The following GRM1 variants were observed in gnomAD, a reference collection of about 807,000 sequenced individuals.
GRM1 encodes glutamate metabotropic receptor 1.
Under a neutral mutation model 90.9 loss-of-function variants are expected in GRM1, and 33 were observed. The ratio of observed to expected loss-of-function variants is 0.36; its 90% confidence interval spans 0.28 to 0.49. The LOEUF is 0.49. Among genes scored for constraint, GRM1 ranks in the 20% least tolerant of loss-of-function variants. GRM1 has a pLI of 0.99. For missense variants in GRM1, 1,190 were observed against 1,534.3 expected (o/e 0.78, Z 3.75); for synonymous variants, 700 against 613.2 (o/e 1.14, Z -2.09).
chr6:146,143,114 A>T (rs1347860929), intron 1 of GRM1, among the ~76,000 whole-genome samples: 1 of 152,102 alleles, frequency 6.6e-6, no homozygotes, highest in Non-Finnish European at 1.5e-5. Context: ...GCAGATAATG[A>T]ATCCTCCAGG....
At position 146,043,128 on chromosome 6, in the gene GRM1, T is replaced by TA. The variant is rs199952557; in HGVS notation, c.700+12921dup. Among the ~76,000 whole-genome samples, 50 of 149,448 alleles carry TA rather than the reference T, an allele frequency of 3.3e-4. No homozygotes were observed. In the East Asian group the frequency reaches 5.5e-3, roughly 16 times the overall value. ...GAGCAATATAGCAAGACCCCATCTCTAAAAAAAAAATTAAAAAATAACCGT... is the reference window on the plus strand; with the variant it reads ...GAGCAATATAGCAAGACCCCATCTCTAAAAAAAAAAATTAAAAAATAACCGT... On this transcript the variant is annotated intron_variant, in intron 1 of 7. Transcript: ENST00000282753.
At chr6:146,256,706 C>A (rs1393887013) in intron 2 of GRM1, among the ~76,000 whole-genome samples, 1 of 152,120 alleles carries the variant, frequency 6.6e-6, no homozygotes, top group South Asian at 2.1e-4. Flanking sequence ...CCTTCTCAAA[C>A]CCCAACACTT....
At chr6:146,063,098 C>A (rs1484522293) in intron 1 of GRM1, among the ~76,000 whole-genome samples, 1 of 152,142 alleles carries the variant, frequency 6.6e-6, no homozygotes, top group Non-Finnish European at 1.5e-5. Context: ...CTTAGAGCTA[C>A]CATTGTCTGC....
At chr6:146,106,317 A>G (rs1271229508) in intron 1 of GRM1, among the ~76,000 whole-genome samples, 1 of 152,300 alleles carries the variant, frequency 6.6e-6, no homozygotes, top group Non-Finnish European at 1.5e-5. Flanking sequence ...TATGAAAACT[A>G]TTGTGTTGCT....
At chr6:146,311,083 A>G (rs1783755516) in intron 3 of GRM1, among the ~76,000 whole-genome samples, 1 of 152,190 alleles carries the variant, frequency 6.6e-6, no homozygotes, top group South Asian at 2.1e-4. Flanking sequence ...CCAATAGTAG[A>G]ATGCTCAGTC....
At chr6:146,066,901 T>C (rs745682801) in intron 1 of GRM1, among the ~76,000 whole-genome samples, 7 of 152,152 alleles carry the variant, frequency 4.6e-5, no homozygotes, top group Non-Finnish European at 8.8e-5. Flanking sequence ...TTATTAATGG[T>C]TGTATGATAC....
rs911870158 is a variant in GRM1, at chr6:146,399,961, T to G, written c.2660+262T>G. 6.6e-6 allele frequency among the ~76,000 whole-genome samples: 1 copy of G among 152,210 alleles called. No individual in the cohort carries two copies. The highest frequency in any genetic ancestry group is 6.5e-5 in the Admixed American group (1 of 15,290). On this transcript the variant is annotated intron_variant, in intron 7 of 7. Coordinates refer to ENST00000282753, the MANE Select transcript of GRM1 (RefSeq NM_001278064.2). The surrounding 1 kb of genome is among the most constrained non-coding windows in gnomAD (Gnocchi z 5.4). ...AAGAAAAGGAGCAGGAAACAATCTTTATTCTTGCCTAGAAGCGGAAGCTTC... is the reference window on the plus strand; with the variant it reads ...AAGAAAAGGAGCAGGAAACAATCTTGATTCTTGCCTAGAAGCGGAAGCTTC...
At chr6:146,325,166 C>T (rs1371212281) in intron 3 of GRM1, among the ~76,000 whole-genome samples, 1 of 152,064 alleles carries the variant, frequency 6.6e-6, no homozygotes, top group African/African-American at 2.4e-5. Flanking sequence ...TTCATGTTTC[C>T]ACTAGTGAAG....
rs1421816332 is a variant in GRM1, at chr6:146,040,145, A to C, written c.700+9928A>C. ...CAGAAAAGGGAAAAAGGACAGTTTA[A>C]AAAGTAGAAAAAGAAACAGGAAGAA... On this transcript the variant is annotated intron_variant, in intron 1 of 7. Coordinates refer to ENST00000282753, the MANE Select transcript of GRM1 (RefSeq NM_001278064.2). Among the ~76,000 whole-genome samples the C allele has an allele frequency of 3.9e-5, 6 of 151,998 alleles. No individual in the cohort carries two copies. The East Asian group carries it at 1.2e-3, about 29-fold the overall frequency.
intron 1 of GRM1, among the ~76,000 whole-genome samples, chr6:146,107,530 C>T (rs548833259): frequency 6.6e-6 from 1 of 152,104 alleles, no homozygotes; most frequent in Admixed American, 6.5e-5. Context: ...GGAGACTTCA[C>T]CCCTTCAAGC....
At chr6:146,132,048 T>C (rs1776418752) in intron 1 of GRM1, among the ~76,000 whole-genome samples, 1 of 151,974 alleles carries the variant, frequency 6.6e-6, no homozygotes, top group Admixed American at 6.6e-5. Context: ...TGAAAAGAAG[T>C]CCAATGTGGC....
chr6:146,153,731 G>A (rs891516862), intron 1 of GRM1, among the ~76,000 whole-genome samples: 2 of 152,124 alleles, frequency 1.3e-5, no homozygotes, highest in Admixed American at 6.5e-5. Context: ...AACCACCAAG[G>A]AAGGTGTTTA....
intron 2 of GRM1, among the ~76,000 whole-genome samples, chr6:146,295,828 T>C (rs1783157260): frequency 6.6e-6 from 1 of 152,158 alleles, no homozygotes; most frequent in Non-Finnish European, 1.5e-5. Flanking sequence ...ATTTCCTCAC[T>C]GAGGTACTAA....
At chr6:146,281,096 A>G (rs951907418) in intron 2 of GRM1, among the ~76,000 whole-genome samples, 10 of 152,350 alleles carry the variant, frequency 6.6e-5, no homozygotes, top group Middle Eastern at 3.4e-3. Context: ...AATTTAAAAC[A>G]TACAAGAACA....
chr6:146,258,617 T>C (rs1017300367), intron 2 of GRM1, among the ~76,000 whole-genome samples: 8 of 152,104 alleles, frequency 5.3e-5, no homozygotes, highest in African/African-American at 1.9e-4. Context: ...AATCCTGGGC[T>C]CAAGAGATCC....
chr6:146,262,016 G>T (rs889582809), intron 2 of GRM1, among the ~76,000 whole-genome samples: 1 of 150,604 alleles, frequency 6.6e-6, no homozygotes, highest in Admixed American at 6.6e-5. Flanking sequence ...TTTAAAGAGA[G>T]GCACCTGGGC....
intron 7 of GRM1, among the ~76,000 whole-genome samples, chr6:146,401,155 C>A (rs551772402): frequency 5.9e-5 from 9 of 152,174 alleles, no homozygotes; most frequent in African/African-American, 1.7e-4. Flanking sequence ...ACAAGGGAGT[C>A]TTTGGGAAAA....
intron 2 of GRM1, among the ~76,000 whole-genome samples, chr6:146,245,470 A>G (rs913926585): frequency 1.3e-5 from 2 of 152,212 alleles, no homozygotes; most frequent in Admixed American, 6.6e-5. Flanking sequence ...AATACTTATC[A>G]TAATTACTAT....
chr6:146,424,135 A>G (rs1778110251), intron 7 of GRM1, among the ~76,000 whole-genome samples: 1 of 152,006 alleles, frequency 6.6e-6, no homozygotes, highest in South Asian at 2.1e-4. Context: ...TAGACAGGTG[A>G]CTCCCAAGGG....
Sources: allele counts gnomAD v4.1 joint callset (sites outside exome capture counted in the v4.1 genomes callset), GRCh38; gene constraint gnomAD v4.1.1; non-coding constraint Gnocchi (gnomAD v3.1); transcripts MANE v1.5; gene names NCBI Gene and HGNC (gene_info 2026-07-23, HGNC 2026-07-21).